The following FTCD variants were observed in gnomAD, a reference collection of about 807,000 sequenced individuals.
FTCD encodes formimidoyltransferase cyclodeaminase, also known as formimidoyltransferase-cyclodeaminase.
Under a neutral mutation model 62.9 loss-of-function variants are expected in FTCD, and 76 were observed. That is an observed-to-expected ratio of 1.21 (90% CI 1.00 to 1.46). The LOEUF is 1.46. Among genes scored for constraint, FTCD ranks in the 40% most tolerant of loss-of-function variants. The pLI is 0.00. For missense variants in FTCD, 845 were observed against 751.3 expected, an observed-to-expected ratio of 1.12 and a Z score of -1.46; for synonymous variants, 397 against 336.9, an observed-to-expected ratio of 1.18 and a Z score of -1.95.
intron 12 of FTCD, 141 bp from the exon 13 acceptor site, chr21:46,137,475 C>T (rs538529938): frequency 9.4e-5 from 69 of 734,182 alleles, no homozygotes; most frequent in African/African-American, 7.4e-4. Context: ...CCGCTTTCGC[C>T]CCACAGAGGG....
intron 7 of FTCD, among the ~76,000 whole-genome samples, chr21:46,149,808 C>T (rs2079223636): frequency 6.6e-6 from 1 of 152,160 alleles, no homozygotes; most frequent in Non-Finnish European, 1.5e-5. Context: ...TGCAGGACGC[C>T]CCGATGGAGG....
At chr21:46,153,949 C>T (rs144401725) in intron 2 of FTCD, among the ~76,000 whole-genome samples, 200 bp downstream of exon 2, 1 of 152,156 alleles carries the variant, frequency 6.6e-6, no homozygotes, top group Non-Finnish European at 1.5e-5. Context: ...TGGGGGTCCC[C>T]CAGAGCACAG....
intron 10 of FTCD, 105 bp from the exon 11 acceptor site, chr21:46,139,028 G>C (rs2078936699): frequency 4.5e-6 from 4 of 885,320 alleles, no homozygotes; most frequent in Non-Finnish European, 7.6e-6. Flanking sequence ...CCCAGGCAGG[G>C]ACCAGTTCTC....
At chr21:46,149,468 C>T (rs1472226282) in intron 7 of FTCD, among the ~76,000 whole-genome samples, 6 of 152,146 alleles carry the variant, frequency 3.9e-5, no homozygotes, top group African/African-American at 7.2e-5. Flanking sequence ...ACAGACAAAA[C>T]GTCCCCAAAA....
chr21:46,141,716 T>TA (rs111415592), intron 10 of FTCD, among the ~76,000 whole-genome samples: 3,487 of 145,196 alleles, frequency 0.024, 110 homozygotes, highest in African/African-American at 0.074. Context: ...CCTCCCCTAT[T>TA]AAAAAAAAAA....
At chr21:46,136,701 C>CAT (rs1465627786), downstream of FTCD, 6 of 1,470,604 alleles carry the variant, frequency 4.1e-6, no homozygotes, top group African/African-American at 8.5e-5. Context: ...GGCCACTGAC[C>CAT]ATATGTCCTG....
intron 8 of FTCD, 39 bp downstream of exon 8, chr21:46,146,227 C>T (rs757981172): frequency 6.8e-7 from 1 of 1,459,896 alleles, no homozygotes; most frequent in Admixed American, 1.8e-5. Context: ...AGGCAGAGCC[C>T]GGGAGGGGTG....
intron 2 of FTCD, 31 bp downstream of exon 2, chr21:46,154,118 C>T (rs369286366): frequency 1.5e-5 from 24 of 1,605,648 alleles, no homozygotes; most frequent in African/African-American, 1.1e-4. Context: ...TTCTGAGACA[C>T]GGCAGCCACA....
intron 10 of FTCD, among the ~76,000 whole-genome samples, chr21:46,140,568 C>T (rs1370778079): frequency 7.3e-5 from 10 of 136,742 alleles, no homozygotes; most frequent in South Asian, 4.7e-4. Flanking sequence ...ACTCCCCGTC[C>T]ACCTTCACGT....
chr21:46,140,715 C>T (rs1424111216), intron 10 of FTCD, among the ~76,000 whole-genome samples: 1 of 150,034 alleles, frequency 6.7e-6, no homozygotes, highest in Non-Finnish European at 1.5e-5. Context: ...CAGCACTCCC[C>T]GTCTGCCTTC....
intron 2 of FTCD, 38 bp downstream of exon 2, chr21:46,154,110 CT>C: frequency 6.2e-7 from 1 of 1,603,858 alleles, no homozygotes; most frequent in South Asian, 1.1e-5. Context: ...CCCTGACATT[CT>C]GAGACACGGC....
At chr21:46,151,841 A>T in intron 4 of FTCD, 51 bp downstream of exon 4, 1 of 1,560,740 alleles carries the variant, frequency 6.4e-7, no homozygotes, top group South Asian at 1.1e-5. Flanking sequence ...AGCCAGGACA[A>T]AGGGGCAGGT....
intron 8 of FTCD, 95 bp from the exon 9 acceptor site, chr21:46,146,042 C>G: frequency 1.2e-6 from 1 of 804,796 alleles, no homozygotes; most frequent in South Asian, 1.8e-5. Flanking sequence ...CCGTCTGCAC[C>G]CACGGGGAGG....
intron 7 of FTCD, 72 bp downstream of exon 7, chr21:46,150,047 G>T: frequency 2.2e-6 from 3 of 1,378,234 alleles, no homozygotes; most frequent in Non-Finnish European, 3.0e-6. Flanking sequence ...CCCCAGGGCT[G>T]TGAGCTCCGC....
chr21:46,138,764 A>T (rs1238214493), intron 11 of FTCD, 116 bp downstream of exon 11: 14 of 1,437,090 alleles, frequency 9.7e-6, no homozygotes, highest in Non-Finnish European at 1.3e-5. Flanking sequence ...GTCATTCCCA[A>T]ACACCCAGCA....
Position 46,154,178 on chromosome 21 carries a change from G to A in FTCD, c.209C>T (p.Ser70Phe). The change falls in exon 2 of 14, where the codon TCC becomes TTC. Residue 70 changes from serine to phenylalanine, a missense_variant. Physicochemically the swap from Ser to Phe is radical, Grantham distance 155. Coordinates refer to ENST00000397746, the MANE Select transcript of FTCD (RefSeq NM_206965.2). ...GTGCCTGCTCATGTCGATAAGTCGGGAAGCTACCCGGGCAGCGTTGAGGGC... is the reference window on the plus strand; with the variant it reads ...GTGCCTGCTCATGTCGATAAGTCGGAAAGCTACCCGGGCAGCGTTGAGGGC... The part of the protein sequence containing the change: ...EGALNAARVA[S>F]RLIDMSRHQG... 1 of 1,612,872 alleles carries A rather than the reference G, an allele frequency of 6.2e-7. No individual in the cohort carries two copies. Among genetic ancestry groups the A allele is most frequent in the South Asian group, 1.1e-5 (1 of 91,092 alleles).
At chr21:46,143,580 G>A (rs1332791742) in intron 10 of FTCD, among the ~76,000 whole-genome samples, 3 of 152,182 alleles carry the variant, frequency 2.0e-5, no homozygotes, top group East Asian at 3.8e-4. Flanking sequence ...TCATAACCTA[G>A]GAAAAACCAG....
chr21:46,138,840 G>C, intron 11 of FTCD, 40 bp downstream of exon 11: 2 of 1,578,698 alleles, frequency 1.3e-6, no homozygotes, highest in Non-Finnish European at 1.7e-6. Flanking sequence ...CAACTCCCCA[G>C]ACACAGAGGC....
Position 46,153,030 on chromosome 21 carries a change from G to A in FTCD, c.244C>T (p.His82Tyr). Residue 82 changes from histidine to tyrosine, a missense_variant, in exon 3 of 14, where the codon CAC becomes TAC. By Grantham distance (83) the His-to-Tyr change is moderately conservative. Transcript: ENST00000397746. ...LIDMSRHQGEHPRMGALDVCP... is the reference protein window; with the variant it reads ...LIDMSRHQGEYPRMGALDVCP... ...ACGTCTAGGGCCCCCATGCGGGGGTGCTCTCCTGCAGAGAGACGGCGAGGC... is the reference window on the plus strand; with the variant it reads ...ACGTCTAGGGCCCCCATGCGGGGGTACTCTCCTGCAGAGAGACGGCGAGGC... The A allele has an allele frequency of 6.5e-7, 1 of 1,548,684 alleles. No homozygotes were observed. Among genetic ancestry groups the A allele is most frequent in the East Asian group, 2.4e-5 (1 of 40,912 alleles).
Sources: allele counts gnomAD v4.1 joint callset (sites outside exome capture counted in the v4.1 genomes callset), GRCh38; gene constraint gnomAD v4.1.1; transcripts MANE v1.5; gene names NCBI Gene and HGNC (gene_info 2026-07-23, HGNC 2026-07-21).